The following GLT1D1 variants were observed in gnomAD, a reference collection of about 807,000 sequenced individuals.
The protein encoded by GLT1D1 is glycosyltransferase 1 domain containing 1.
A neutral mutation model predicts 28.7 loss-of-function variants in GLT1D1; 21 were observed. The ratio of observed to expected loss-of-function variants is 0.73; its 90% CI spans 0.52 to 1.05. The LOEUF (loss-of-function observed/expected upper bound fraction) is 1.05. Ranked by LOEUF, GLT1D1 falls within the 50% of genes least tolerant of loss-of-function variation. The pLI, the probability that GLT1D1 is intolerant of heterozygous loss-of-function variation, is 0.00. For missense variants in GLT1D1, 343 were observed against 330.6 expected, an observed-to-expected ratio of 1.04 and a Z score of -0.29; for synonymous variants, 147 against 124.8, an observed-to-expected ratio of 1.18 and a Z score of -1.19.
At chr12:128,881,564 ATATATATATAT>A in intron 2 of GLT1D1, among the ~76,000 whole-genome samples, 1 of 55,086 alleles carries the variant, frequency 1.8e-5, no homozygotes, top group Non-Finnish European at 3.1e-5. Context: ...AAAAAAAAAT[ATATATATATAT>A]ATATATATAT....
chr12:128,889,003 G>A (rs1432194631), intron 3 of GLT1D1, among the ~76,000 whole-genome samples: 1 of 152,146 alleles, frequency 6.6e-6, no homozygotes, highest in East Asian at 1.9e-4. Context: ...ATGGAGCCAG[G>A]CATAGTGAGG....
intron 1 of GLT1D1, 76 bp from the exon 2 acceptor site, chr12:128,875,838 C>A: frequency 7.1e-6 from 9 of 1,261,632 alleles, no homozygotes; most frequent in Non-Finnish European, 9.9e-6. Flanking sequence ...AAAAAAAAGT[C>A]TTAACTGTAG....
chr12:128,964,736 T>G (rs1878294541), intron 7 of GLT1D1, among the ~76,000 whole-genome samples: 1 of 152,078 alleles, frequency 6.6e-6, no homozygotes, highest in African/African-American at 2.4e-5. Flanking sequence ...GTGTTATTAG[T>G]GTGAAGAGAT....
chr12:128,895,637 G>T (rs1297250094), intron 3 of GLT1D1, among the ~76,000 whole-genome samples: 2 of 151,904 alleles, frequency 1.3e-5, no homozygotes, highest in Non-Finnish European at 2.9e-5. Context: ...TGTAATTTTA[G>T]TAGAGAACGG....
intron 4 of GLT1D1, among the ~76,000 whole-genome samples, chr12:128,922,017 C>T (rs547293431): frequency 9.0e-4 from 136 of 151,954 alleles, no homozygotes; most frequent in Non-Finnish European, 1.6e-3. Context: ...TTCCCTCTTC[C>T]CCCTTCTGTG....
chr12:128,981,653 C>A (rs1880329485), intron 7 of GLT1D1, among the ~76,000 whole-genome samples: 1 of 152,180 alleles, frequency 6.6e-6, no homozygotes, highest in African/African-American at 2.4e-5. Flanking sequence ...TTTTAAACAG[C>A]AAAAGCACTC....
chr12:128,925,325 T>A (rs182607477), intron 4 of GLT1D1, among the ~76,000 whole-genome samples: 1 of 152,248 alleles, frequency 6.6e-6, no homozygotes, highest in Admixed American at 6.5e-5. Context: ...TTCTTCCTGA[T>A]GCTCTGCCTC....
intron 2 of GLT1D1, among the ~76,000 whole-genome samples, chr12:128,876,811 G>A (rs1384128395): frequency 2.0e-5 from 3 of 152,164 alleles, no homozygotes; most frequent in African/African-American, 2.4e-5. Context: ...GTAAATTCAC[G>A]AGGTTAGTTG....
At chr12:128,881,976 C>G (rs570517091) in intron 2 of GLT1D1, among the ~76,000 whole-genome samples, 1 of 151,898 alleles carries the variant, frequency 6.6e-6, no homozygotes, top group Non-Finnish European at 1.5e-5. Context: ...CCTTTGGAGC[C>G]CATTTCCTTT....
At chr12:128,894,470 A>G (rs1347147607) in intron 3 of GLT1D1, among the ~76,000 whole-genome samples, 1 of 152,074 alleles carries the variant, frequency 6.6e-6, no homozygotes, top group Non-Finnish European at 1.5e-5. Flanking sequence ...CGTCTTGTTT[A>G]TTAACTGGAA....
chr12:128,940,213 G>A lies in GLT1D1; in HGVS notation c.376-5113G>A, dbSNP rs117993964. Among the ~76,000 whole-genome samples the A allele has an allele frequency of 9.5e-3, 1,451 of 152,028 alleles. 13 individuals carry two copies. The highest frequency in any genetic ancestry group is 0.025 in the South Asian group (120 of 4,814). On this transcript the variant is annotated intron_variant, in intron 4 of 7. Transcript: ENST00000281703. ...TCTAGCATTTTTCTAATAAGACTTC[G>A]ACATTTGACTTTTTTCTTCTGCAAC...
chr12:128,914,768 A>C (rs554712036), intron 4 of GLT1D1, 165 bp from the exon 6 acceptor site: 8 of 536,748 alleles, frequency 1.5e-5, no homozygotes, highest in Non-Finnish European at 2.6e-5. Context: ...TGCAGTGAGC[A>C]GAGATCGTGG....
chr12:128,969,066 C>G (rs1593203813), intron 7 of GLT1D1, among the ~76,000 whole-genome samples: 1 of 152,120 alleles, frequency 6.6e-6, no homozygotes, highest in East Asian at 1.9e-4. Context: ...CATAGTCACT[C>G]TCTCAGTCTC....
At chr12:128,955,901 T>C (rs1877222323) in intron 6 of GLT1D1, among the ~76,000 whole-genome samples, 1 of 151,858 alleles carries the variant, frequency 6.6e-6, no homozygotes, top group Non-Finnish European at 1.5e-5. Context: ...GGGACACAGA[T>C]GCTCCTCGAG....
chr12:128,936,922 C>G (rs1213253700), intron 4 of GLT1D1, among the ~76,000 whole-genome samples: 1 of 152,116 alleles, frequency 6.6e-6, no homozygotes, highest in Non-Finnish European at 1.5e-5. Flanking sequence ...CGTGGCTTCA[C>G]TAAGAGATTT....
At chr12:128,932,899 C>G (rs1336692071) in intron 4 of GLT1D1, among the ~76,000 whole-genome samples, 1 of 152,214 alleles carries the variant, frequency 6.6e-6, no homozygotes, top group Non-Finnish European at 1.5e-5. Context: ...GACGCCATCT[C>G]AGTGGATGAA....
At chr12:128,933,401 G>A (rs1323897937) in intron 4 of GLT1D1, among the ~76,000 whole-genome samples, 1 of 152,264 alleles carries the variant, frequency 6.6e-6, no homozygotes, top group African/African-American at 2.4e-5. Flanking sequence ...TTTACTTCAT[G>A]CAGTTCATGC....
chr12:128,917,484 G>A (rs977396723), intron 4 of GLT1D1, among the ~76,000 whole-genome samples: 1 of 151,918 alleles, frequency 6.6e-6, no homozygotes. Flanking sequence ...CACCATGTTG[G>A]CCAGGCTGGT....
intron 2 of GLT1D1, among the ~76,000 whole-genome samples, chr12:128,886,566 G>A (rs1868410908): frequency 6.6e-6 from 1 of 152,118 alleles, no homozygotes; most frequent in Admixed American, 6.6e-5. Flanking sequence ...GTCTTTTCCA[G>A]CCTTGAGGGG....
Sources: gnomAD v4.1 joint callset for allele counts (sites outside exome capture counted in the v4.1 genomes callset) on GRCh38, gnomAD v4.1.1 for gene constraint, MANE v1.5 for transcripts, NCBI Gene and HGNC (gene_info 2026-07-23, HGNC 2026-07-21) for gene names.